DNAH3: variants seen among roughly 807,000 people sequenced by gnomAD.
The protein encoded by DNAH3 is axonemal beta dynein heavy chain 3.
In DNAH3, 332 loss-of-function variants were observed where a neutral mutation model predicts 432.5. The ratio of observed to expected loss-of-function variants is 0.77; its 90% CI spans 0.70 to 0.84. DNAH3 has a LOEUF of 0.84. Among genes scored for constraint, DNAH3 ranks in the 40% least tolerant of loss-of-function variants. The pLI, the probability that DNAH3 is intolerant of heterozygous loss-of-function variation, is 0.00. For missense variants in DNAH3, 4,861 were observed against 5,114.0 expected, an observed-to-expected ratio of 0.95 and a Z score of 1.51; for synonymous variants, 1,956 against 1,900.2, an observed-to-expected ratio of 1.03 and a Z score of -0.76.
chr16:21,152,855 C>T (rs934567660), intron 1 of DNAH3, among the ~76,000 whole-genome samples: 36 of 152,280 alleles, frequency 2.4e-4, no homozygotes, highest in Admixed American at 2.6e-4. Flanking sequence ...TCGGGACTTG[C>T]AGCCCGCCAT....
intron 12 of DNAH3, among the ~76,000 whole-genome samples, chr16:21,112,478 A>G (rs13330927): frequency 0.22 from 33,781 of 152,102 alleles, 4,034 homozygotes; most frequent in East Asian, 0.31. Context: ...CACGTCTTAC[A>G]TGGCAGTGGC....
chr16:21,062,123 T>C (rs925227699), intron 25 of DNAH3, among the ~76,000 whole-genome samples: 7 of 152,212 alleles, frequency 4.6e-5, no homozygotes, highest in African/African-American at 1.7e-4. Context: ...ATCTTTAAAA[T>C]GAATGCCCCA....
At chr16:21,140,349 TCTCC>T in intron 5 of DNAH3, 183 bp downstream of exon 6, 2 of 554,824 alleles carry the variant, frequency 3.6e-6, no homozygotes, top group African/African-American at 1.9e-5. Context: ...ACACACTCTC[TCTCC>T]TTCTCTCTCA....
intron 1 of DNAH3, 42 bp from the exon 3 acceptor site, chr16:21,146,130 A>G (rs1465066689): frequency 1.4e-6 from 2 of 1,395,630 alleles, no homozygotes; most frequent in African/African-American, 1.4e-5. Flanking sequence ...AAAATTAGGG[A>G]AGATTTGCAA....
intron 1 of DNAH3, among the ~76,000 whole-genome samples, chr16:21,156,921 A>G (rs142468463): frequency 3.3e-5 from 4 of 120,454 alleles, no homozygotes; most frequent in Non-Finnish European, 6.9e-5. Flanking sequence ...CAAAAATCCC[A>G]GTGGAAACCC....
intron 52 of DNAH3, among the ~76,000 whole-genome samples, chr16:20,967,311 G>T (rs913364489): frequency 2.0e-5 from 3 of 151,942 alleles, no homozygotes; most frequent in East Asian, 1.9e-4. Context: ...ATTTAATGAT[G>T]GGTTCTGTGC....
exon 53 of DNAH3, chr16:20,963,518 G>A (rs1311279966): frequency 1.2e-6 from 2 of 1,614,004 alleles, no homozygotes; most frequent in African/African-American, 1.3e-5. Flanking sequence ...TGCTCCTCAT[G>A]GGGCCAGGCC....
At chr16:20,956,616 T>C (rs1275476150) in intron 54 of DNAH3, among the ~76,000 whole-genome samples, 1 of 152,220 alleles carries the variant, frequency 6.6e-6, no homozygotes, top group African/African-American at 2.4e-5. Flanking sequence ...TCTTTGAGTG[T>C]GTCATTAATG....
At chr16:20,988,207 C>CCT (rs1303982549) in intron 44 of DNAH3, 142 bp from the exon 45 acceptor site, 2 of 886,118 alleles carry the variant, frequency 2.3e-6, no homozygotes, top group Non-Finnish European at 3.4e-6. Context: ...AACCTCTAGC[C>CCT]ACCTGCAGCA....
intron 23 of DNAH3, 44 bp downstream of exon 23, chr16:21,069,371 T>C (rs935594492): frequency 6.4e-7 from 1 of 1,551,410 alleles, no homozygotes; most frequent in South Asian, 1.2e-5. Context: ...TGAGGAAACA[T>C]TTGTATTTCT....
intron 9 of DNAH3, 103 bp downstream of exon 10, chr16:21,125,072 G>T: frequency 1.1e-6 from 1 of 904,036 alleles, no homozygotes; most frequent in Non-Finnish European, 1.6e-6. Flanking sequence ...ATTTCACTTT[G>T]TGCCCTGGCT....
intron 21 of DNAH3, among the ~76,000 whole-genome samples, chr16:21,075,235 A>C (rs1392860406): frequency 6.6e-6 from 1 of 152,136 alleles, no homozygotes; most frequent in African/African-American, 2.4e-5. Context: ...GCTCTGAATC[A>C]AAAGACTTGT....
intron 19 of DNAH3, among the ~76,000 whole-genome samples, chr16:21,084,610 C>T (rs1279458353): frequency 1.3e-5 from 2 of 152,104 alleles, no homozygotes; most frequent in Admixed American, 6.6e-5. Flanking sequence ...GCGTGAGCCA[C>T]GGCACCTGAC....
At chr16:21,087,743 C>CA (rs1157577716) in intron 18 of DNAH3, among the ~76,000 whole-genome samples, 1 of 151,790 alleles carries the variant, frequency 6.6e-6, no homozygotes, top group Non-Finnish European at 1.5e-5. Flanking sequence ...ACTGAAAATG[C>CA]AAAAAATTAG....
At chr16:21,021,939 C>A in intron 40 of DNAH3, 32 bp downstream of exon 40, 1 of 1,611,644 alleles carries the variant, frequency 6.2e-7, no homozygotes, top group Non-Finnish European at 8.5e-7. Context: ...ACCCACCCCC[C>A]ATGTGGCTTA....
chr16:21,086,749 AAGG>A (rs1192091170), intron 19 of DNAH3, 97 bp downstream of exon 19: 2 of 1,045,236 alleles, frequency 1.9e-6, no homozygotes, highest in East Asian at 4.7e-5. Flanking sequence ...TCCTTTCGGA[AAGG>A]AGAAGCTTGA....
At chr16:21,025,890 T>C (rs2088528217) in intron 38 of DNAH3, among the ~76,000 whole-genome samples, 1 of 151,988 alleles carries the variant, frequency 6.6e-6, no homozygotes, top group African/African-American at 2.4e-5. Context: ...CCCACCACCA[T>C]GCTTGGCTAT....
chr16:20,985,580 CCA>C lies in DNAH3; in HGVS notation c.7160_7161del (p.Val2387GlyfsTer27), dbSNP rs1252570481. On this transcript the variant is annotated frameshift_variant, in exon 48 of 62. Transcript: ENST00000261383. LOFTEE classifies it high-confidence loss of function. ...AATTCTTCCAGATAGTGCTCCATGA[CCA>C]CAGTCAGCTGTTTCAGGTCAGTGAT... is the stretch of plus-strand genomic sequence containing the variant. The C allele has an allele frequency of 2.5e-6, 4 of 1,614,006 alleles. No homozygotes were observed. Among genetic ancestry groups the C allele is most frequent in the African/African-American group, 2.7e-5 (2 of 74,914 alleles).
intron 8 of DNAH3, 22 bp from the exon 10 acceptor site, chr16:21,125,392 C>A: frequency 6.4e-7 from 1 of 1,552,620 alleles, no homozygotes. Context: ...GAAGGGTGTC[C>A]ATGTGAGAAG....
Sources: allele counts gnomAD v4.1 joint callset (sites outside exome capture counted in the v4.1 genomes callset), GRCh38; gene constraint gnomAD v4.1.1; transcripts MANE v1.5; gene names NCBI Gene and HGNC (gene_info 2026-07-23, HGNC 2026-07-21).